Variants in KATNBL1 observed in about 807,000 individuals in gnomAD.
KATNBL1 encodes the protein KATNB1-like protein 1.
In KATNBL1, 28 loss-of-function variants were observed where a neutral mutation model predicts 44.7. The observed-to-expected ratio is 0.63, with a 90% CI of 0.46 to 0.86. KATNBL1 has a LOEUF of 0.86. Ranked by LOEUF, KATNBL1 falls within the 40% of genes least tolerant of loss-of-function variation. The pLI is 0.00. For synonymous variants in KATNBL1, 78 were observed against 114.9 expected, an observed-to-expected ratio of 0.68 and a Z score of 2.06; for missense variants, 272 against 350.7, an observed-to-expected ratio of 0.78 and a Z score of 1.79.
intron 1 of KATNBL1, among the ~76,000 whole-genome samples, chr15:34,200,318 T>C (rs1397131876): frequency 6.6e-6 from 1 of 152,042 alleles, no homozygotes; most frequent in African/African-American, 2.4e-5. Flanking sequence ...AGTGGCGCCA[T>C]CTCGGCTCAC....
At chr15:34,154,609 T>C (rs1226767322) in intron 3 of KATNBL1, 35 bp downstream of exon 3, 1 of 1,368,880 alleles carries the variant, frequency 7.3e-7, no homozygotes, top group African/African-American at 1.4e-5. Context: ...GCTTTCATAT[T>C]TGTTGTTCCC....
At chr15:34,142,671 G>A in intron 9 of KATNBL1, 1 of 319,798 alleles carries the variant, frequency 3.1e-6, no homozygotes, top group Non-Finnish European at 5.8e-6. Context: ...TACTATCAGT[G>A]CTATATTCAC....
chr15:34,142,186 C>G lies in KATNBL1; in HGVS notation c.*153G>C. The G allele has an allele frequency of 1.6e-6, 1 of 643,666 alleles. No homozygotes were observed. Among genetic ancestry groups the G allele is most frequent in the Non-Finnish European group, 2.4e-6 (1 of 423,706 alleles). 39.9% of individuals were successfully genotyped at this position (643,666 alleles called of 1,614,324 possible). On this transcript the variant is annotated 3_prime_UTR_variant, in exon 10 of 10. Coordinates refer to ENST00000256544, the MANE Select transcript of KATNBL1 (RefSeq NM_024713.3). ...AATGTGAAGCAGATTGCTGGGATTT[C>G]ATTAGTGGTTTCATTACGTGGCTTT... is the stretch of plus-strand genomic sequence containing the variant.
rs57428240 is a variant in KATNBL1, at chr15:34,191,154, C to CATATATATATATAT, written c.-15+18783_-15+18796dup. 1.7e-3 allele frequency among the ~76,000 whole-genome samples: 227 copies of CATATATATATATAT among 136,112 alleles called. 1 individual carries two copies. The highest frequency in any genetic ancestry group is 1.8e-3 in the Non-Finnish European group (116 of 62,792). 89.3% of individuals were successfully genotyped at this position (136,112 alleles called of 152,430 possible). ...CAAAAATTTCATATAAATCATAGAC[C>CATATATATATATAT]ATATATATATATATATATATATATA... On this transcript the variant is annotated intron_variant, in intron 1 of 9. Transcript: ENST00000256544.
intron 1 of KATNBL1, among the ~76,000 whole-genome samples, chr15:34,186,939 C>T (rs1018768835): frequency 6.6e-6 from 1 of 152,210 alleles, no homozygotes; most frequent in Non-Finnish European, 1.5e-5. Flanking sequence ...TCTTCCGGGC[C>T]CACCCATGAC....
At chr15:34,190,339 A>G (rs904112488) in intron 1 of KATNBL1, among the ~76,000 whole-genome samples, 1 of 152,222 alleles carries the variant, frequency 6.6e-6, no homozygotes, top group African/African-American at 2.4e-5. Flanking sequence ...ATAAAAGAGG[A>G]ACAGATTACT....
rs1356460731 is a variant in KATNBL1 at position 34,181,705 on chromosome 15, TATATATGGACATATATATGTCC to T, written c.-14-18037_-14-18016del. Among the ~76,000 whole-genome samples the T allele has an allele frequency of 4.2e-4, 13 of 31,164 alleles. 2 individuals are homozygous for T. The highest frequency in any genetic ancestry group is 1.1e-3 in the African/African-American group (12 of 10,520). The allele number at this position is 31,164 out of a possible 152,430, so 20.4% of individuals were successfully genotyped here. ...ATATATATGTCCATATATATATCCA[TATATATGGACATATATATGTCC>T]ATATATACACATATATATGTCCATA... On this transcript the variant is annotated intron_variant, in intron 1 of 9. Transcript: ENST00000256544.
At chr15:34,172,760 GACACACACAC>G (rs34182114) in intron 1 of KATNBL1, among the ~76,000 whole-genome samples, 2,781 of 146,504 alleles carry the variant, frequency 0.019, 92 homozygotes, top group African/African-American at 0.066. Context: ...CACAGACACA[GACACACACAC>G]ACACACACAC....
chr15:34,170,333 C>T (rs1889121206), intron 1 of KATNBL1, among the ~76,000 whole-genome samples: 1 of 152,154 alleles, frequency 6.6e-6, no homozygotes, highest in African/African-American at 2.4e-5. Context: ...AACTCCCATT[C>T]ACAATTGCTA....
At chr15:34,198,326 T>C (rs930523801) in intron 1 of KATNBL1, 12 of 152,174 alleles carry the variant, frequency 7.9e-5, no homozygotes, top group Non-Finnish European at 1.6e-4. Context: ...CATCATCCCA[T>C]AGTTTCTAGT....
chr15:34,197,721 AT>A (rs553929830), intron 1 of KATNBL1, among the ~76,000 whole-genome samples: 158 of 152,332 alleles, frequency 1.0e-3, no homozygotes, highest in Admixed American at 1.7e-3. Flanking sequence ...CCAGTAAAAA[AT>A]ATTACCTTTT....
intron 8 of KATNBL1, 35 bp from the exon 9 acceptor site, chr15:34,145,526 A>G: frequency 2.2e-6 from 3 of 1,385,506 alleles, no homozygotes; most frequent in Non-Finnish European, 2.8e-6. Flanking sequence ...ATGAGAAAGC[A>G]AATACATTAA....
intron 9 of KATNBL1, chr15:34,142,863 C>G: frequency 3.0e-6 from 1 of 333,492 alleles, no homozygotes; most frequent in South Asian, 2.2e-5. Context: ...AGGTGTGCAC[C>G]ACCACGCCCG....
intron 1 of KATNBL1, among the ~76,000 whole-genome samples, chr15:34,168,841 T>C (rs574253740): frequency 9.9e-5 from 15 of 152,236 alleles, no homozygotes; most frequent in African/African-American, 3.1e-4. Flanking sequence ...GAATGACTAC[T>C]GGGTAAATAA....
chr15:34,142,992 G>A, intron 9 of KATNBL1: 5 of 1,115,448 alleles, frequency 4.5e-6, no homozygotes, highest in Non-Finnish European at 6.0e-6. Flanking sequence ...TTACAGGCAT[G>A]AGCCACCTTG....
intron 1 of KATNBL1, among the ~76,000 whole-genome samples, chr15:34,190,203 CA>C: frequency 6.6e-6 from 1 of 152,300 alleles, no homozygotes; most frequent in Non-Finnish European, 1.5e-5. Context: ...CTCGGCCTCC[CA>C]AAGTGCTGGG....
chr15:34,181,592 ACACATATATATGTC>A (rs1889531549), intron 1 of KATNBL1, among the ~76,000 whole-genome samples: 4 of 49,122 alleles, frequency 8.1e-5, no homozygotes, highest in Admixed American at 7.9e-4. Context: ...ACATATATAT[ACACATATATATGTC>A]CATATATATA....
At chr15:34,146,939 C>T in intron 7 of KATNBL1, 89 bp from the exon 8 acceptor site, 1 of 818,676 alleles carries the variant, frequency 1.2e-6, no homozygotes, top group Non-Finnish European at 2.1e-6. Context: ...AAAAAACACA[C>T]ACACACATTG....
At chr15:34,176,722 G>C (rs2140956687) in intron 1 of KATNBL1, among the ~76,000 whole-genome samples, 1 of 152,150 alleles carries the variant, frequency 6.6e-6, no homozygotes, top group Admixed American at 6.5e-5. Flanking sequence ...GAATTTTATG[G>C]TATATAAATT....
Sources: allele counts gnomAD v4.1 joint callset (sites outside exome capture counted in the v4.1 genomes callset), GRCh38; gene constraint gnomAD v4.1.1; transcripts MANE v1.5; gene names NCBI Gene and HGNC (gene_info 2026-07-23, HGNC 2026-07-21).